FRRS1L: variants seen among roughly 807,000 people sequenced by gnomAD.
The protein encoded by FRRS1L is ferric chelate reductase 1 like, also known as DOMON domain-containing protein FRRS1L.
FRRS1L carries 22 observed loss-of-function variants against 28.6 expected under a neutral mutation model. That is an observed-to-expected ratio of 0.77 (90% confidence interval 0.55 to 1.10). The LOEUF is 1.10. Ranked by LOEUF, FRRS1L falls within the 50% of genes least tolerant of loss-of-function variation. The pLI is 0.00. For synonymous variants in FRRS1L, 158 were observed against 151.4 expected, an observed-to-expected ratio of 1.04 and a Z score of -0.32; for missense variants, 380 against 386.9, an observed-to-expected ratio of 0.98 and a Z score of 0.15.
In FRRS1L at chr9:109,130,447, C is replaced by G. The variant is rs1460629653; in HGVS notation, c.*7008G>C. The G allele has an allele frequency of 6.6e-6, 1 of 152,188 alleles. No homozygotes were observed. The highest frequency in any genetic ancestry group is 2.4e-5 in the African/African-American group (1 of 41,444). The allele number at this position is 152,188 out of a possible 1,614,324, so 9.4% of individuals were successfully genotyped here. A position where few individuals can be genotyped will look rare whatever the true frequency, so the allele number is the denominator to read the frequency against. ...TGTGATGGCAAATGGACAGAACAAT[C>G]ATTTAGGTAGCATCTAGGAATATTG... On this transcript the variant is annotated 3_prime_UTR_variant, in exon 5 of 5. Coordinates refer to ENST00000561981, the MANE Select transcript of FRRS1L (RefSeq NM_014334.4).
chr9:109,161,800 AACT>A (rs1373720440), intron 1 of FRRS1L, among the ~76,000 whole-genome samples: 1 of 152,180 alleles, frequency 6.6e-6, no homozygotes, highest in East Asian at 1.9e-4. Flanking sequence ...TTCATCTGAG[AACT>A]ACTGCATCAG....
At chr9:109,158,179 G>A (rs531052643) in intron 1 of FRRS1L, among the ~76,000 whole-genome samples, 1 of 152,190 alleles carries the variant, frequency 6.6e-6, no homozygotes, top group East Asian at 1.9e-4. Context: ...TTTCTTTGAT[G>A]GGTAAAAAAT....
rs537805245 is a variant in FRRS1L at position 109,159,392 on chromosome 9, C to T, written c.238+7509G>A. On this transcript the variant is annotated intron_variant, in intron 1 of 4. Coordinates refer to ENST00000561981, the MANE Select transcript of FRRS1L (RefSeq NM_014334.4). ...TGGATTAACATTTAAGTGGGTGGGCCGGGCGTGGTGGCTCACACCTGTAAT... is the reference window on the plus strand; with the variant it reads ...TGGATTAACATTTAAGTGGGTGGGCTGGGCGTGGTGGCTCACACCTGTAAT... Among the ~76,000 whole-genome samples, 88 of 152,140 alleles carry T rather than the reference C, an allele frequency of 5.8e-4. 2 individuals are homozygous for T. In the South Asian group the frequency reaches 0.018, roughly 31 times the overall value.
intron 4 of FRRS1L, 89 bp downstream of exon 4, chr9:109,141,254 T>C: frequency 2.1e-6 from 3 of 1,453,708 alleles, no homozygotes; most frequent in Non-Finnish European, 2.9e-6. Context: ...CTTATCGCTC[T>C]CTTGTGCACA....
At chr9:109,146,866 A>T (rs935577141) in intron 3 of FRRS1L, among the ~76,000 whole-genome samples, 185 bp downstream of exon 3, 8 of 152,216 alleles carry the variant, frequency 5.3e-5, no homozygotes, top group African/African-American at 1.7e-4. Context: ...GTGCCACAAG[A>T]CAGCTTGGAT....
chr9:109,159,017 G>A (rs1371886279), intron 1 of FRRS1L, among the ~76,000 whole-genome samples: 1 of 152,312 alleles, frequency 6.6e-6, no homozygotes, highest in African/African-American at 2.4e-5. Flanking sequence ...CCTAGTGGGT[G>A]TGAAATGGTA....
chr9:109,156,588 A>C (rs948024599), intron 1 of FRRS1L, among the ~76,000 whole-genome samples: 33 of 150,730 alleles, frequency 2.2e-4, no homozygotes, highest in Non-Finnish European at 3.8e-4. Flanking sequence ...ACGGGGTTTC[A>C]CCATGTTAGC....
At chr9:109,152,974 A>G (rs2118495139) in intron 1 of FRRS1L, among the ~76,000 whole-genome samples, 1 of 152,248 alleles carries the variant, frequency 6.6e-6, no homozygotes, top group East Asian at 1.9e-4. Context: ...CTATTATCAT[A>G]TATGCTTCTA....
chr9:109,141,610 G>GAAA, intron 3 of FRRS1L, 21 bp from the exon 4 acceptor site: 10 of 1,490,608 alleles, frequency 6.7e-6, no homozygotes, highest in Middle Eastern at 1.8e-4. Flanking sequence ...AAATGATTGA[G>GAAA]AAAAAAAAAA....
intron 1 of FRRS1L, among the ~76,000 whole-genome samples, chr9:109,160,491 A>G (rs1831467761): frequency 1.8e-5 from 1 of 56,184 alleles, no homozygotes; most frequent in African/African-American, 6.2e-5. Context: ...GGCTCAAGTG[A>G]TCCTCCTGCC....
Position 109,131,649 on chromosome 9 carries a change from A to G in FRRS1L, c.*5806T>C, listed in dbSNP as rs1026205646. The G allele has an allele frequency of 1.3e-5, 2 of 152,260 alleles. No individual in the cohort carries two copies. Among genetic ancestry groups the G allele is most frequent in the Non-Finnish European group, 2.9e-5 (2 of 68,052 alleles). The allele number at this position is 152,260 out of a possible 1,614,324, so 9.4% of individuals were successfully genotyped here. On this transcript the variant is annotated 3_prime_UTR_variant, in exon 5 of 5. Coordinates refer to ENST00000561981, the MANE Select transcript of FRRS1L (RefSeq NM_014334.4). Reference sequence around the variant, plus strand: ...GGGACATAACCCCATTGTAAGTTGTAGGAATGTATCAAATGTATATCACTT... The same window carrying G: ...GGGACATAACCCCATTGTAAGTTGTGGGAATGTATCAAATGTATATCACTT...
Position 109,131,634 on chromosome 9 carries a change from C to T in FRRS1L, c.*5821G>A, listed in dbSNP as rs1473027774. 4 of 152,076 alleles carry T rather than the reference C, an allele frequency of 2.6e-5. No homozygotes were observed. Among genetic ancestry groups the T allele is most frequent in the African/African-American group, 9.7e-5 (4 of 41,408 alleles). 9.4% of individuals were successfully genotyped at this position (152,076 alleles called of 1,614,324 possible). A position where few individuals can be genotyped will look rare whatever the true frequency, so the allele number is the denominator to read the frequency against. ...AGTCAAAACAATTATGGGACATAAC[C>T]CCATTGTAAGTTGTAGGAATGTATC... is the stretch of plus-strand genomic sequence containing the variant. On this transcript the variant is annotated 3_prime_UTR_variant, in exon 5 of 5. Coordinates refer to ENST00000561981, the MANE Select transcript of FRRS1L (RefSeq NM_014334.4).
At position 109,167,021 on chromosome 9, in the gene FRRS1L, GGCCCCCCGGGCCCGCACCGTCGTCCGC is replaced by G; in HGVS notation, c.91_117del (p.Ala31_Gly39del). The G allele has an allele frequency of 8.2e-7, 1 of 1,212,188 alleles. No homozygotes were observed. The allele number at this position is 1,212,188 out of a possible 1,614,324, so 75.1% of individuals were successfully genotyped here. ...CCCCGCGCGCGTCCCCGGGGTCCCC[GGCCCCCCGGGCCCGCACCGTCGTCCGC>G]GGGGCTGGCTGCGCAGGCGGCGGGC... is the stretch of plus-strand genomic sequence containing the variant. On this transcript the variant is annotated inframe_deletion, in exon 1 of 5. Coordinates refer to ENST00000561981, the MANE Select transcript of FRRS1L (RefSeq NM_014334.4).
chr9:109,136,374 C>T lies in FRRS1L; in HGVS notation c.*1081G>A, dbSNP rs1424846027. The T allele has an allele frequency of 6.6e-6, 1 of 150,894 alleles. No individual in the cohort carries two copies. Among genetic ancestry groups the T allele is most frequent in the Non-Finnish European group, 1.5e-5 (1 of 67,810 alleles). The allele number at this position is 150,894 out of a possible 1,614,324, so 9.3% of individuals were successfully genotyped here. ...TTCAAATTCTAACTGCTAAGAATTC[C>T]CTTTTTTTTTTTTTTTAATATCATT... is the stretch of plus-strand genomic sequence containing the variant. On this transcript the variant is annotated 3_prime_UTR_variant, in exon 5 of 5. Coordinates refer to ENST00000561981, the MANE Select transcript of FRRS1L (RefSeq NM_014334.4).
At chr9:109,146,726 T>G (rs1831266672) in intron 3 of FRRS1L, among the ~76,000 whole-genome samples, 1 of 152,060 alleles carries the variant, frequency 6.6e-6, no homozygotes, top group South Asian at 2.1e-4. Flanking sequence ...CCACCTAAAA[T>G]GAGCTGCACC....
chr9:109,167,052 G>A lies in FRRS1L; in HGVS notation c.87C>T (p.Ser29=). The change falls in exon 1 of 5, where the codon AGC becomes AGT. Residue 29 remains serine, a synonymous_variant. Coordinates refer to ENST00000561981, the MANE Select transcript of FRRS1L (RefSeq NM_014334.4). ...CCGGGCCCGCACCGTCGTCCGCGGG[G>A]CTGGCTGCGCAGGCGGCGGGCCCCG... ...LLTGPAACAA[S]PADDGAGPGG... is the part of the protein sequence containing the mutation. The A allele has an allele frequency of 8.4e-7, 1 of 1,189,960 alleles. No individual in the cohort carries two copies. The highest frequency in any genetic ancestry group is 1.0e-6 in the Non-Finnish European group (1 of 964,350). The allele number at this position is 1,189,960 out of a possible 1,614,324, so 73.7% of individuals were successfully genotyped here.
intron 1 of FRRS1L, among the ~76,000 whole-genome samples, chr9:109,162,130 A>G (rs932719417): frequency 6.6e-6 from 1 of 152,212 alleles, no homozygotes; most frequent in African/African-American, 2.4e-5. Context: ...AGCCCGGTCA[A>G]CAGGGTGAAA....
intron 4 of FRRS1L, 31 bp downstream of exon 4, chr9:109,141,312 G>A (rs374529746): frequency 4.7e-5 from 75 of 1,611,452 alleles, no homozygotes; most frequent in Non-Finnish European, 5.6e-5. Context: ...GGTGTCTGGC[G>A]TTTAATCCAG....
At chr9:109,152,259 C>T (rs1281552946) in intron 1 of FRRS1L, 1 of 152,036 alleles carries the variant, frequency 6.6e-6, no homozygotes, top group African/African-American at 2.4e-5. Flanking sequence ...AAGCAATTCT[C>T]CTGCCTCAGC....
Sources: gnomAD v4.1 joint callset for allele counts (sites outside exome capture counted in the v4.1 genomes callset) on GRCh38, gnomAD v4.1.1 for gene constraint, MANE v1.5 for transcripts, NCBI Gene and HGNC (gene_info 2026-07-23, HGNC 2026-07-21) for gene names.